The following SRGAP1 variants were observed in gnomAD, a reference collection of about 807,000 sequenced individuals.
SRGAP1 encodes SLIT-ROBO Rho GTPase activating protein 1, also known as SLIT-ROBO Rho GTPase-activating protein 1.
Under a neutral mutation model 121.9 loss-of-function variants are expected in SRGAP1, and 43 were observed. The ratio of observed to expected loss-of-function variants is 0.35; its 90% confidence interval spans 0.28 to 0.46. The LOEUF (loss-of-function observed/expected upper bound fraction) is 0.46. Among genes scored for constraint, SRGAP1 ranks in the 20% least tolerant of loss-of-function variants. The pLI, the probability that SRGAP1 is intolerant of heterozygous loss-of-function variation, is 1.00. For missense variants in SRGAP1, 1,102 were observed against 1,350.9 expected (o/e 0.82, Z 2.89); for synonymous variants, 447 against 485.4 (o/e 0.92, Z 1.04).
At chr12:63,954,820 C>T (rs2032412198) in intron 1 of SRGAP1, among the ~76,000 whole-genome samples, 2 of 151,980 alleles carry the variant, frequency 1.3e-5, no homozygotes, top group Non-Finnish European at 2.9e-5. Flanking sequence ...AGTTACTTAT[C>T]GTTTTGGAAA....
intron 10 of SRGAP1, chr12:64,080,574 G>A (rs1054842657): frequency 3.1e-5 from 20 of 644,696 alleles, no homozygotes; most frequent in East Asian, 5.7e-5. Context: ...TTGAGGAAGC[G>A]TAGTGAAATC....
chr12:63,905,802 G>A (rs902639957), intron 1 of SRGAP1, among the ~76,000 whole-genome samples: 1 of 152,188 alleles, frequency 6.6e-6, no homozygotes, highest in Non-Finnish European at 1.5e-5. Flanking sequence ...ACAGCAAAAT[G>A]CAATAATTAG....
intron 3 of SRGAP1, among the ~76,000 whole-genome samples, chr12:63,991,024 A>C (rs1298133028): frequency 6.6e-6 from 1 of 152,182 alleles, no homozygotes. Context: ...ATCTCAGCCA[A>C]CTCTCAGCAA....
intron 1 of SRGAP1, 45 bp from the exon 2 acceptor site, chr12:63,983,902 A>G (rs199602326): frequency 7.5e-6 from 8 of 1,069,952 alleles, no homozygotes; most frequent in South Asian, 2.6e-5. Flanking sequence ...AGCATACCTC[A>G]TTAATTTTAA....
chr12:64,047,863 G>A (rs922388929), intron 6 of SRGAP1, among the ~76,000 whole-genome samples: 34 of 151,970 alleles, frequency 2.2e-4, no homozygotes, highest in African/African-American at 7.7e-4. Flanking sequence ...CTATATAGTA[G>A]GTATATAAAT....
chr12:64,089,790 C>T (rs1450451590), intron 11 of SRGAP1, among the ~76,000 whole-genome samples: 1 of 152,166 alleles, frequency 6.6e-6, no homozygotes, highest in Non-Finnish European at 1.5e-5. Context: ...GCTTGCTGTG[C>T]ACCTTGTTCA....
At chr12:64,102,714 A>G (rs2036277982) in intron 15 of SRGAP1, among the ~76,000 whole-genome samples, 1 of 152,180 alleles carries the variant, frequency 6.6e-6, no homozygotes, top group Non-Finnish European at 1.5e-5. Context: ...AATGTTTTCA[A>G]GGATCATCCA....
chr12:63,910,692 T>G (rs1337002461), intron 1 of SRGAP1, among the ~76,000 whole-genome samples: 2 of 152,340 alleles, frequency 1.3e-5, no homozygotes, highest in East Asian at 3.9e-4. Context: ...AAGGCAAATA[T>G]GGAGTAGAGA....
rs2033607339 is a variant in SRGAP1, at chr12:63,993,315, C to A, written c.426+3243C>A. Among the ~76,000 whole-genome samples the A allele has an allele frequency of 2.0e-5, 3 of 152,196 alleles. No individual in the cohort carries two copies. The South Asian group carries it at 6.2e-4, about 31-fold the overall frequency. ...ATACAAATTACTCCCACATGCTTAGCATTCCAATAGTGGAACACTAGGCAT... is the reference window on the plus strand; with the variant it reads ...ATACAAATTACTCCCACATGCTTAGAATTCCAATAGTGGAACACTAGGCAT... On this transcript the variant is annotated intron_variant, in intron 3 of 21. Coordinates refer to ENST00000355086, the MANE Select transcript of SRGAP1 (RefSeq NM_020762.4).
chr12:63,913,266 C>T (rs1052676080), intron 1 of SRGAP1, among the ~76,000 whole-genome samples: 46 of 137,708 alleles, frequency 3.3e-4, no homozygotes, highest in Non-Finnish European at 6.6e-4. Flanking sequence ...CCAGGTGATC[C>T]TCCCACCTCA....
chr12:64,096,592 T>A (rs2036158874), intron 14 of SRGAP1, among the ~76,000 whole-genome samples: 1 of 152,118 alleles, frequency 6.6e-6, no homozygotes, highest in East Asian at 1.9e-4. Context: ...ATAAAAAAAA[T>A]AATTTTATAT....
At chr12:64,142,225 G>T in intron 21 of SRGAP1, 70 bp from the exon 22 acceptor site, 2 of 1,522,086 alleles carry the variant, frequency 1.3e-6, no homozygotes, top group South Asian at 1.2e-5. Context: ...GAAATTAAGT[G>T]TCTGGGTTTC....
chr12:63,991,712 A>C (rs2033561016), intron 3 of SRGAP1, among the ~76,000 whole-genome samples: 2 of 152,214 alleles, frequency 1.3e-5, no homozygotes. Flanking sequence ...AAAGATGAAG[A>C]AAATCTATTC....
At chr12:64,014,650 A>G (rs944836919) in intron 3 of SRGAP1, among the ~76,000 whole-genome samples, 12 of 42,896 alleles carry the variant, frequency 2.8e-4, no homozygotes, top group Non-Finnish European at 5.4e-4. Flanking sequence ...TCTTGTCCTA[A>G]AGATATTTGG....
At chr12:64,138,923 T>A (rs1489933669) in intron 21 of SRGAP1, among the ~76,000 whole-genome samples, 1 of 152,150 alleles carries the variant, frequency 6.6e-6, no homozygotes, top group Non-Finnish European at 1.5e-5. Context: ...CAACCCTTGG[T>A]CATACTGTTC....
At chr12:63,946,719 A>G (rs1427960847) in intron 1 of SRGAP1, among the ~76,000 whole-genome samples, 2 of 151,308 alleles carry the variant, frequency 1.3e-5, no homozygotes, top group Non-Finnish European at 2.9e-5. Context: ...AATTTTTTCT[A>G]TTTTTAGTAG....
intron 12 of SRGAP1, chr12:64,091,964 G>A (rs2036061265): frequency 1.3e-6 from 2 of 1,512,700 alleles, no homozygotes; most frequent in Non-Finnish European, 1.8e-6. Context: ...CTCTTTCACT[G>A]TTGGTATCAT....
intron 1 of SRGAP1, among the ~76,000 whole-genome samples, chr12:63,936,778 C>T (rs895442839): frequency 7.2e-5 from 11 of 152,296 alleles, no homozygotes; most frequent in African/African-American, 2.4e-4. Flanking sequence ...CTACAATTTG[C>T]TAACTTGTTC....
chr12:64,112,519 T>G (rs1385557048), intron 17 of SRGAP1, among the ~76,000 whole-genome samples: 1 of 152,204 alleles, frequency 6.6e-6, no homozygotes, highest in Non-Finnish European at 1.5e-5. Flanking sequence ...GGATAAAATT[T>G]TTAGCATGGC....
Sources: allele counts gnomAD v4.1 joint callset (sites outside exome capture counted in the v4.1 genomes callset), GRCh38; gene constraint gnomAD v4.1.1; transcripts MANE v1.5; gene names NCBI Gene and HGNC (gene_info 2026-07-23, HGNC 2026-07-21).